ST18: variants seen among roughly 807,000 people sequenced by gnomAD.
ST18 encodes the protein suppression of tumorigenicity 18 protein.
Under a neutral mutation model 110.0 loss-of-function variants are expected in ST18, and 50 were observed. The ratio of observed to expected loss-of-function variants is 0.45; its 90% CI spans 0.36 to 0.58. ST18 has a LOEUF of 0.58. Ranked by LOEUF, ST18 falls within the 20% of genes least tolerant of loss-of-function variation. The pLI, the probability that ST18 is intolerant of heterozygous loss-of-function variation, is 0.00. For missense variants in ST18, 1,306 were observed against 1,280.1 expected, an observed-to-expected ratio of 1.02 and a Z score of -0.31; for synonymous variants, 461 against 452.4, an observed-to-expected ratio of 1.02 and a Z score of -0.24.
At chr8:52,197,950 A>G (rs2076724451) in intron 8 of ST18, among the ~76,000 whole-genome samples, 1 of 151,986 alleles carries the variant, frequency 6.6e-6, no homozygotes, top group African/African-American at 2.4e-5. Context: ...GCAATATAGT[A>G]ATTTTCTGGC....
At chr8:52,239,363 C>A (rs2093132190) in intron 2 of ST18, among the ~76,000 whole-genome samples, 1 of 152,114 alleles carries the variant, frequency 6.6e-6, no homozygotes, top group Non-Finnish European at 1.5e-5. Flanking sequence ...TGAATTATAT[C>A]TCAAGAAAGC....
At chr8:52,287,810 G>A (rs921937995) in intron 2 of ST18, among the ~76,000 whole-genome samples, 2 of 152,140 alleles carry the variant, frequency 1.3e-5, no homozygotes, top group African/African-American at 4.8e-5. Flanking sequence ...TTACATATCT[G>A]AGCTAGTGGG....
intron 2 of ST18, among the ~76,000 whole-genome samples, chr8:52,287,756 G>C (rs1205203986): frequency 6.6e-6 from 1 of 152,138 alleles, no homozygotes; most frequent in Non-Finnish European, 1.5e-5. Flanking sequence ...CCAGCATAAT[G>C]GATGCTCTGA....
intron 8 of ST18, chr8:52,201,256 G>A (rs1366630043): frequency 1.3e-5 from 2 of 152,294 alleles, no homozygotes; most frequent in African/African-American, 2.4e-5. Context: ...TTCCAGGACA[G>A]ACTGTAGGCT....
chr8:52,197,580 G>A (rs1160769322), intron 8 of ST18, among the ~76,000 whole-genome samples: 2 of 152,148 alleles, frequency 1.3e-5, no homozygotes, highest in South Asian at 2.1e-4. Flanking sequence ...TAATTAGTAC[G>A]GTAATGAATA....
chr8:52,205,272 G>A (rs904682087), intron 8 of ST18, among the ~76,000 whole-genome samples: 1 of 151,548 alleles, frequency 6.6e-6, no homozygotes, highest in Non-Finnish European at 1.5e-5. Flanking sequence ...TACTATGAAG[G>A]AAGAGGATTC....
At chr8:52,299,490 A>G (rs1368726431) in intron 2 of ST18, among the ~76,000 whole-genome samples, 1 of 152,234 alleles carries the variant, frequency 6.6e-6, no homozygotes, top group African/African-American at 2.4e-5. Flanking sequence ...ATCTTAAAAC[A>G]TATTAAACCT....
Position 52,212,072 on chromosome 8 carries a change from A to T in ST18, c.86+7T>A. 1 of 1,606,210 alleles carries T rather than the reference A, an allele frequency of 6.2e-7. No homozygotes were observed. The highest frequency in any genetic ancestry group is 1.3e-5 in the African/African-American group (1 of 74,252). ...GTGAAAAAAAAGTAATATAGGGTAA[A>T]TCTTACCTGAGCTCCTGGATTAGTG... On this transcript the variant is annotated splice_region_variant and intron_variant, in intron 8 of 25. Transcript: ENST00000689386.
chr8:52,209,788 A>ATATATATAT (rs61437354), intron 8 of ST18, among the ~76,000 whole-genome samples: 5 of 105,698 alleles, frequency 4.7e-5, no homozygotes, highest in African/African-American at 2.3e-4. Flanking sequence ...AAAAAAAAAA[A>ATATATATAT]ATATATATAT....
intron 2 of ST18, among the ~76,000 whole-genome samples, chr8:52,292,199 A>C (rs573479584): frequency 6.6e-6 from 1 of 152,344 alleles, no homozygotes; most frequent in South Asian, 2.1e-4. Flanking sequence ...TATTGAAAAA[A>C]CATTTATTTC....
rs375856234 is a variant in ST18, at chr8:52,135,509, G to A, written c.2300+1081C>T. Among the ~76,000 whole-genome samples the A allele has an allele frequency of 7.9e-5, 11 of 139,452 alleles. No homozygotes were observed. The East Asian group carries it at 1.9e-3, about 24-fold the overall frequency. 91.5% of individuals were successfully genotyped at this position (139,452 alleles called of 152,430 possible). A position where few individuals can be genotyped will look rare whatever the true frequency, so the allele number is the denominator to read the frequency against. ...TGGGAGGCGGAGGTTGCAGTGAGCC[G>A]AGACTGTGCCGTTGCACTCCAGCCT... is the stretch of plus-strand genomic sequence containing the variant. On this transcript the variant is annotated intron_variant, in intron 19 of 25. Transcript: ENST00000689386.
At chr8:52,381,238 C>T (rs1023229748) in intron 2 of ST18, among the ~76,000 whole-genome samples, 1 of 152,116 alleles carries the variant, frequency 6.6e-6, no homozygotes, top group African/African-American at 2.4e-5. Flanking sequence ...CTTTTGGAAC[C>T]CTATACTTAG....
At chr8:52,381,978 A>C (rs575385053) in intron 2 of ST18, among the ~76,000 whole-genome samples, 35 of 151,326 alleles carry the variant, frequency 2.3e-4, no homozygotes, top group African/African-American at 6.1e-4. Context: ...AAAAAACAAA[A>C]AAAAACAAAA....
At chr8:52,343,626 T>A (rs1385157289) in intron 2 of ST18, among the ~76,000 whole-genome samples, 1 of 151,910 alleles carries the variant, frequency 6.6e-6, no homozygotes, top group Non-Finnish European at 1.5e-5. Context: ...ACACAGAGAG[T>A]CACTTGTAAG....
chr8:52,337,506 C>T (rs960048662), intron 2 of ST18, among the ~76,000 whole-genome samples: 3 of 152,192 alleles, frequency 2.0e-5, no homozygotes, highest in African/African-American at 4.8e-5. Context: ...ACTATTGGCT[C>T]GAAGGACTCA....
chr8:52,134,029 C>A (rs1035543458), intron 19 of ST18, among the ~76,000 whole-genome samples: 1 of 152,178 alleles, frequency 6.6e-6, no homozygotes, highest in African/African-American at 2.4e-5. Flanking sequence ...CTGTGCCCCG[C>A]CTCCAAATGA....
In ST18 at chr8:52,299,472, C is replaced by T. The variant is rs575531453; in HGVS notation, c.-464-69395G>A. ...TCTCTAGTTTTGTATTTTCAAGTCTCTCTTTTTATCTTAAAACATATTAAA... is the reference window on the plus strand; with the variant it reads ...TCTCTAGTTTTGTATTTTCAAGTCTTTCTTTTTATCTTAAAACATATTAAA... On this transcript the variant is annotated intron_variant, in intron 2 of 25. Transcript: ENST00000689386. Among the ~76,000 whole-genome samples, 4 of 152,296 alleles carry T rather than the reference C, an allele frequency of 2.6e-5. No individual in the cohort carries two copies. The South Asian group carries it at 6.2e-4, about 24-fold the overall frequency.
At chr8:52,165,746 G>A (rs764675669) in intron 11 of ST18, among the ~76,000 whole-genome samples, 5 of 152,226 alleles carry the variant, frequency 3.3e-5, no homozygotes, top group African/African-American at 9.6e-5. Context: ...CTGAGGAACT[G>A]CTAAACTGGC....
At chr8:52,259,046 C>T (rs1419641386) in intron 2 of ST18, among the ~76,000 whole-genome samples, 1 of 152,162 alleles carries the variant, frequency 6.6e-6, no homozygotes, top group African/African-American at 2.4e-5. Context: ...CCCTCTAAAA[C>T]CTGCTGAGAC....
Sources: allele counts gnomAD v4.1 joint callset (sites outside exome capture counted in the v4.1 genomes callset), GRCh38; gene constraint gnomAD v4.1.1; transcripts MANE v1.5; gene names NCBI Gene and HGNC (gene_info 2026-07-23, HGNC 2026-07-21).